The following DAB2IP variants were observed in gnomAD, a reference collection of about 807,000 sequenced individuals.
DAB2IP encodes the protein disabled homolog 2-interacting protein.
DAB2IP carries 28 observed loss-of-function variants against 107.2 expected under a neutral mutation model. The ratio of observed to expected loss-of-function variants is 0.26; its 90% CI spans 0.19 to 0.36. The LOEUF (loss-of-function observed/expected upper bound fraction) is 0.36. DAB2IP is among the 10% of genes least tolerant of loss of function. The pLI is 1.00. For synonymous variants in DAB2IP, 755 were observed against 706.4 expected, an observed-to-expected ratio of 1.07 and a Z score of -1.09; for missense variants, 1,400 against 1,644.7, an observed-to-expected ratio of 0.85 and a Z score of 2.57.
intron 1 of DAB2IP, among the ~76,000 whole-genome samples, chr9:121,631,991 C>A (rs1564122712): frequency 6.6e-6 from 1 of 151,932 alleles, no homozygotes; most frequent in Non-Finnish European, 1.5e-5. Flanking sequence ...ATCGTTGACA[C>A]CTTGCAGTCA....
chr9:121,733,480 C>T (rs1831666226), intron 3 of DAB2IP, among the ~76,000 whole-genome samples: 1 of 152,188 alleles, frequency 6.6e-6, no homozygotes, highest in Non-Finnish European at 1.5e-5. Flanking sequence ...ATCTTCAGAT[C>T]TGAAAGAAGA....
At chr9:121,598,926 G>T (rs1830596623) in intron 1 of DAB2IP, among the ~76,000 whole-genome samples, 1 of 152,194 alleles carries the variant, frequency 6.6e-6, no homozygotes, top group Non-Finnish European at 1.5e-5. Flanking sequence ...TTGCTGAAGC[G>T]GGTCGCAGAC....
chr9:121,578,190 A>G (rs1323550466), intron 1 of DAB2IP, among the ~76,000 whole-genome samples: 1 of 151,722 alleles, frequency 6.6e-6, no homozygotes, highest in Non-Finnish European at 1.5e-5. Context: ...CAGGGAGGGG[A>G]TGGGTAGTCC....
exon 16 of DAB2IP, chr9:121,783,422 G>C: frequency 1.9e-6 from 3 of 1,604,050 alleles, no homozygotes; most frequent in Non-Finnish European, 2.6e-6. Flanking sequence ...GTGCCACCTG[G>C]TGCTCACCCT....
intron 1 of DAB2IP, among the ~76,000 whole-genome samples, chr9:121,656,556 G>A (rs1310082638): frequency 1.3e-5 from 2 of 152,188 alleles, no homozygotes; most frequent in Non-Finnish European, 2.9e-5. Flanking sequence ...TTCATTTGGG[G>A]CTTGGCCCTA....
exon 16 of DAB2IP, chr9:121,783,090 G>A: frequency 9.5e-7 from 1 of 1,048,800 alleles, no homozygotes. Flanking sequence ...GCAGCCTGTT[G>A]GGACCTTCCT....
At chr9:121,600,993 C>T (rs191212369) in intron 1 of DAB2IP, among the ~76,000 whole-genome samples, 1 of 152,328 alleles carries the variant, frequency 6.6e-6, no homozygotes, top group East Asian at 1.9e-4. Flanking sequence ...TTGGTAAGGA[C>T]CAGCCCCTCT....
intron 1 of DAB2IP, among the ~76,000 whole-genome samples, chr9:121,578,416 G>A (rs760881769): frequency 4.0e-4 from 61 of 151,830 alleles, no homozygotes; most frequent in Non-Finnish European, 7.9e-4. Context: ...CCAGCAGAAT[G>A]GGGAACACAG....
rs766223910 is a variant in DAB2IP, at chr9:121,760,220, C to T, written c.951C>T (p.Asn317=). ...AGTGGTACCCGGTGGTGACGCCCAA[C>T]CCCAAGGGCGGCAAGGGCCCTGGAC... Residue 317 remains asparagine, a synonymous_variant, in exon 6 of 16, where the codon AAC becomes AAT. Coordinates refer to ENST00000408936, the Ensembl canonical transcript of DAB2IP. This position sits in a 1 kb window ranked among gnomAD's most constrained non-coding sequence, Gnocchi z 5.9. 13 of 1,613,718 alleles carry T rather than the reference C, an allele frequency of 8.1e-6. No homozygotes were observed. Among genetic ancestry groups the T allele is most frequent in the South Asian group, 6.6e-5 (6 of 91,080 alleles).
chr9:121,721,795 G>A (rs1162747773), intron 3 of DAB2IP, among the ~76,000 whole-genome samples: 1 of 152,210 alleles, frequency 6.6e-6, no homozygotes, highest in Non-Finnish European at 1.5e-5. Flanking sequence ...ACCCAGATGG[G>A]CAGAGGGCAA....
rs1257758563 is a variant in DAB2IP at position 121,699,719 on chromosome 9, C to T, written c.362+261C>T. Among the ~76,000 whole-genome samples the T allele has an allele frequency of 6.6e-6, 1 of 152,106 alleles. No individual in the cohort carries two copies. On this transcript the variant is annotated intron_variant, in intron 3 of 15. Transcript: ENST00000408936. This position sits in a 1 kb window ranked among gnomAD's most constrained non-coding sequence, Gnocchi z 6.2. Reference sequence around the variant, plus strand: ...GCGGCGGCCCGGGCGAGGCCGGGCGCGAAGTCCCCTCGCAGGGAAGTCCTG... The same window carrying T: ...GCGGCGGCCCGGGCGAGGCCGGGCGTGAAGTCCCCTCGCAGGGAAGTCCTG...
At chr9:121,676,346 T>G (rs192513233) in intron 1 of DAB2IP, among the ~76,000 whole-genome samples, 3 of 152,312 alleles carry the variant, frequency 2.0e-5, no homozygotes, top group Admixed American at 2.0e-4. Context: ...GTCCTGTGTG[T>G]GTGTGCGCAC....
intron 10 of DAB2IP, among the ~76,000 whole-genome samples, chr9:121,768,937 T>C (rs1273871364): frequency 1.3e-5 from 2 of 152,184 alleles, no homozygotes; most frequent in Admixed American, 6.5e-5. Flanking sequence ...AGAAATAGAA[T>C]TGGATCGTGA....
intron 1 of DAB2IP, among the ~76,000 whole-genome samples, chr9:121,659,180 T>A (rs1833092736): frequency 6.6e-6 from 1 of 152,234 alleles, no homozygotes. Flanking sequence ...CCAAGGGTGC[T>A]GGGCAGTCGG....
intron 1 of DAB2IP, among the ~76,000 whole-genome samples, chr9:121,587,958 C>A (rs552252788): frequency 4.6e-5 from 7 of 152,188 alleles, no homozygotes; most frequent in Admixed American, 1.3e-4. Flanking sequence ...GGCAATCCTA[C>A]CCCCATCTCC....
intron 1 of DAB2IP, among the ~76,000 whole-genome samples, chr9:121,645,236 G>T (rs953749718): frequency 1.2e-4 from 19 of 152,228 alleles, no homozygotes; most frequent in Non-Finnish European, 4.4e-5. Context: ...GAAGTACACA[G>T]AGAGAGTGGC....
At chr9:121,745,920 A>G (rs1285473851) in intron 3 of DAB2IP, among the ~76,000 whole-genome samples, 3 of 152,232 alleles carry the variant, frequency 2.0e-5, no homozygotes, top group Non-Finnish European at 4.4e-5. Flanking sequence ...CTAGGGTGCC[A>G]GCATTTGTTC....
In DAB2IP at chr9:121,669,876, T is replaced by A. The variant is rs143176249; in HGVS notation, c.125-8802T>A. The stretch of plus-strand genomic sequence containing the variant: ...GAGAATAACGTGGTATAGCCGTGAA[T>A]GCCAAGCCAGCTTCCCGATGTCAGG... On this transcript the variant is annotated intron_variant, in intron 1 of 15. Transcript: ENST00000408936. 8.5e-4 allele frequency among the ~76,000 whole-genome samples: 129 copies of A among 152,368 alleles called. 1 individual carries two copies. The highest frequency in any genetic ancestry group is 6.8e-3 in the Middle Eastern group (2 of 294).
rs1258358993 is a variant in DAB2IP at position 121,684,789 on chromosome 9, G to T, written c.228+6008G>T. On this transcript the variant is annotated intron_variant, in intron 2 of 15. Coordinates refer to ENST00000408936, the Ensembl canonical transcript of DAB2IP. The surrounding 1 kb of genome is among the most constrained non-coding windows in gnomAD (Gnocchi z 4.0). The stretch of plus-strand genomic sequence containing the variant: ...ATCAGACAAGCCAGATCTGTCCCAG[G>T]GTATATGGGGAAACTGAGGCCTGGA... Among the ~76,000 whole-genome samples, 1 of 152,214 alleles carries T rather than the reference G, an allele frequency of 6.6e-6. No individual in the cohort carries two copies. Among genetic ancestry groups the T allele is most frequent in the Non-Finnish European group, 1.5e-5 (1 of 68,034 alleles).
Sources: allele counts gnomAD v4.1 joint callset (sites outside exome capture counted in the v4.1 genomes callset), GRCh38; gene constraint gnomAD v4.1.1; non-coding constraint Gnocchi (gnomAD v3.1); transcripts MANE v1.5; gene names NCBI Gene and HGNC (gene_info 2026-07-23, HGNC 2026-07-21).